WDR72: variants seen among roughly 807,000 people sequenced by gnomAD.
The protein encoded by WDR72 is WD repeat-containing protein 72.
Under a neutral mutation model 124.2 loss-of-function variants are expected in WDR72, and 120 were observed. The observed-to-expected ratio is 0.97, with a 90% confidence interval of 0.83 to 1.12. The LOEUF is 1.12. Among genes scored for constraint, WDR72 ranks in the 50% most tolerant of loss-of-function variants. WDR72 has a pLI of 0.00. For synonymous variants in WDR72, 452 were observed against 441.7 expected, an observed-to-expected ratio of 1.02 and a Z score of -0.29; for missense variants, 1,387 against 1,278.8, an observed-to-expected ratio of 1.08 and a Z score of -1.29.
chr15:53,759,479 T>G (rs2019010009), intron 1 of WDR72, 154 bp downstream of exon 1: 7 of 152,286 alleles, frequency 4.6e-5, no homozygotes. Flanking sequence ...GCCCACCCTC[T>G]TTCCCGGCCC....
intron 18 of WDR72, among the ~76,000 whole-genome samples, chr15:53,577,468 G>A (rs1446283418): frequency 6.6e-6 from 1 of 152,008 alleles, no homozygotes; most frequent in Non-Finnish European, 1.5e-5. Flanking sequence ...CTTACAGAAG[G>A]CTAATATAAA....
chr15:53,721,500 AG>A (rs1306341563), intron 3 of WDR72, among the ~76,000 whole-genome samples: 1 of 152,216 alleles, frequency 6.6e-6, no homozygotes, highest in Non-Finnish European at 1.5e-5. Context: ...CTACAAGCAA[AG>A]GTTAAAAAAG....
At chr15:53,754,107 A>G (rs1049045120) in intron 1 of WDR72, among the ~76,000 whole-genome samples, 7 of 152,126 alleles carry the variant, frequency 4.6e-5, no homozygotes, top group Non-Finnish European at 8.8e-5. Flanking sequence ...CTTAAATTCA[A>G]CTACAGGGGT....
chr15:53,593,312 G>C (rs1370665173), intron 18 of WDR72, among the ~76,000 whole-genome samples: 1 of 152,052 alleles, frequency 6.6e-6, no homozygotes, highest in Non-Finnish European at 1.5e-5. Context: ...CTTCCACGTT[G>C]CAAGTATGGA....
At chr15:53,614,077 T>C (rs1157460909) in intron 15 of WDR72, among the ~76,000 whole-genome samples, 1 of 152,108 alleles carries the variant, frequency 6.6e-6, no homozygotes, top group Admixed American at 6.6e-5. Flanking sequence ...ACATGATTAC[T>C]GACTAATGCA....
At chr15:53,518,012 C>T (rs1891559174) in intron 19 of WDR72, among the ~76,000 whole-genome samples, 2 of 151,744 alleles carry the variant, frequency 1.3e-5, no homozygotes, top group Admixed American at 1.3e-4. Flanking sequence ...ACTTTAATTG[C>T]ACACATTATT....
At chr15:53,724,039 C>A (rs1050361660) in intron 2 of WDR72, among the ~76,000 whole-genome samples, 1 of 152,096 alleles carries the variant, frequency 6.6e-6, no homozygotes, top group African/African-American at 2.4e-5. Flanking sequence ...GGATATTACG[C>A]TAAATAAAAT....
At chr15:53,665,880 T>G (rs764795864) in intron 13 of WDR72, 112 bp from the exon 14 acceptor site, 57 of 1,070,648 alleles carry the variant, frequency 5.3e-5, no homozygotes, top group Non-Finnish European at 7.5e-5. Flanking sequence ...TTATCGTGCC[T>G]TAGTATCTTG....
At chr15:53,738,933 T>C (rs1421756121) in intron 1 of WDR72, among the ~76,000 whole-genome samples, 1 of 152,182 alleles carries the variant, frequency 6.6e-6, no homozygotes, top group Non-Finnish European at 1.5e-5. Flanking sequence ...TAAATCTGAA[T>C]GAATAAGAAA....
chr15:53,689,704 T>C (rs945037433), intron 13 of WDR72, among the ~76,000 whole-genome samples: 41 of 151,652 alleles, frequency 2.7e-4, no homozygotes, highest in African/African-American at 9.7e-4. Flanking sequence ...GACCCAGCCA[T>C]CCCATTACTG....
intron 18 of WDR72, among the ~76,000 whole-genome samples, chr15:53,542,949 C>T (rs1893228370): frequency 6.6e-6 from 1 of 151,762 alleles, no homozygotes; most frequent in Non-Finnish European, 1.5e-5. Context: ...GCTAACTATC[C>T]TAAATATATA....
chr15:53,701,559 T>TCTCTCTCTCTCTCTCTCTCACACACACA (rs369568228), intron 12 of WDR72, among the ~76,000 whole-genome samples: 1 of 120,102 alleles, frequency 8.3e-6, no homozygotes, highest in Non-Finnish European at 1.7e-5. Flanking sequence ...TCTCTCTCTC[T>TCTCTCTCTCTCTCTCTCTCACACACACA]CACACACACA....
intron 18 of WDR72, among the ~76,000 whole-genome samples, chr15:53,571,952 A>C (rs1204031929): frequency 6.6e-6 from 1 of 152,024 alleles, no homozygotes; most frequent in Admixed American, 6.6e-5. Flanking sequence ...TTTGACTTGC[A>C]ATTCCCTGAT....
intron 1 of WDR72, chr15:53,756,730 T>C (rs2018918522): frequency 6.6e-6 from 1 of 152,248 alleles, no homozygotes; most frequent in African/African-American, 2.4e-5. Context: ...CATGCGGTCC[T>C]CATAATATCA....
At position 53,597,248 on chromosome 15, in the gene WDR72, G is replaced by A. The variant is rs1304691473; in HGVS notation, c.2979C>T (p.Leu993=). 6.2e-7 allele frequency: 1 copy of A among 1,613,768 alleles called. No homozygotes were observed. The highest frequency in any genetic ancestry group is 1.1e-5 in the South Asian group (1 of 91,066). Residue 993 remains leucine (L), a synonymous_variant, in exon 18 of 20, where the codon CTC becomes CTT. Coordinates refer to ENST00000360509, the MANE Select transcript of WDR72 (RefSeq NM_182758.4). ...TCATGTGTTGTTGAACTTCCGCCAA[G>A]AGAACAGCTTGTATTGCTTCAGTTA... ...VQVTEAIQAV[L]LAEVQQHMKS...
intron 18 of WDR72, among the ~76,000 whole-genome samples, chr15:53,546,893 A>G (rs1893496838): frequency 6.6e-6 from 1 of 152,218 alleles, no homozygotes; most frequent in South Asian, 2.1e-4. Context: ...GAAAATCTAG[A>G]TTAAACAAGT....
chr15:53,728,547 G>A (rs143081039), intron 2 of WDR72, among the ~76,000 whole-genome samples: 2 of 152,240 alleles, frequency 1.3e-5, no homozygotes, highest in East Asian at 3.9e-4. Context: ...TAAATATCAG[G>A]GCTGGCACTT....
intron 18 of WDR72, among the ~76,000 whole-genome samples, chr15:53,536,498 A>G (rs573309450): frequency 6.6e-6 from 1 of 152,198 alleles, no homozygotes; most frequent in African/African-American, 2.4e-5. Context: ...TCGACCTCCA[A>G]AGAAAGGAAG....
chr15:53,746,274 G>A (rs948590219), intron 1 of WDR72, among the ~76,000 whole-genome samples: 2 of 152,140 alleles, frequency 1.3e-5, no homozygotes, highest in African/African-American at 4.8e-5. Flanking sequence ...ATGTGGTTTT[G>A]TGGGTGGTGT....
Sources: allele counts gnomAD v4.1 joint callset (sites outside exome capture counted in the v4.1 genomes callset), GRCh38; gene constraint gnomAD v4.1.1; transcripts MANE v1.5; gene names NCBI Gene and HGNC (gene_info 2026-07-23, HGNC 2026-07-21).